Variants in ATP8A1 observed in about 807,000 individuals in gnomAD.
The protein encoded by ATP8A1 is ATPase phospholipid transporting 8A1.
Under a neutral mutation model 177.7 loss-of-function variants are expected in ATP8A1, and 90 were observed. The ratio of observed to expected loss-of-function variants is 0.51; its 90% CI spans 0.43 to 0.60. The LOEUF (loss-of-function observed/expected upper bound fraction) is 0.60. Ranked by LOEUF, ATP8A1 falls within the 20% of genes least tolerant of loss-of-function variation. The probability of loss-of-function intolerance (pLI) is 0.00; values close to 1 mark genes in which losing one functional copy is unlikely to be tolerated. For missense variants in ATP8A1, 1,072 were observed against 1,392.8 expected (o/e 0.77, Z 3.67); for synonymous variants, 493 against 485.9 (o/e 1.01, Z -0.19).
At chr4:42,592,790 G>A (rs897981795) in intron 6 of ATP8A1, among the ~76,000 whole-genome samples, 1 of 152,084 alleles carries the variant, frequency 6.6e-6, no homozygotes, top group African/African-American at 2.4e-5. Flanking sequence ...GTATGGAATA[G>A]TGTAAAGAAA....
chr4:42,555,291 A>G (rs900352423), intron 16 of ATP8A1, among the ~76,000 whole-genome samples: 2 of 150,670 alleles, frequency 1.3e-5, no homozygotes, highest in Non-Finnish European at 2.9e-5. Context: ...CAGAGTTTCT[A>G]TTGTATATTT....
At chr4:42,636,385 G>A (rs974472338) in intron 1 of ATP8A1, among the ~76,000 whole-genome samples, 4 of 144,688 alleles carry the variant, frequency 2.8e-5, no homozygotes, top group African/African-American at 7.5e-5. Flanking sequence ...CCTGACAGCA[G>A]CTGTTCAGAG....
At chr4:42,624,387 G>C (rs1333974349) in intron 4 of ATP8A1, 149 bp downstream of exon 4, 2 of 426,996 alleles carry the variant, frequency 4.7e-6, no homozygotes, top group African/African-American at 4.1e-5. Context: ...ATCAACTTCA[G>C]GGATAGGAAC....
chr4:42,446,858 AT>A (rs762351304), intron 30 of ATP8A1, among the ~76,000 whole-genome samples: 9 of 152,232 alleles, frequency 5.9e-5, no homozygotes, highest in Middle Eastern at 3.4e-3. Context: ...GAAGAAGGAA[AT>A]CCGACTTGTT....
chr4:42,565,626 T>C (rs1731267843), intron 15 of ATP8A1, among the ~76,000 whole-genome samples: 3 of 152,216 alleles, frequency 2.0e-5, no homozygotes, highest in African/African-American at 4.8e-5. Context: ...TGTGAAACTA[T>C]ATTAAACAGT....
chr4:42,422,720 T>C (rs910204792), intron 35 of ATP8A1, 87 bp downstream of exon 35: 4 of 1,043,244 alleles, frequency 3.8e-6, no homozygotes, highest in Admixed American at 2.0e-5. Flanking sequence ...TGCTGACAAA[T>C]ACAAGTCTTA....
At chr4:42,461,810 G>A (rs149335983) in intron 27 of ATP8A1, among the ~76,000 whole-genome samples, 1 of 152,210 alleles carries the variant, frequency 6.6e-6, no homozygotes, top group Non-Finnish European at 1.5e-5. Flanking sequence ...ACTCCCTAGA[G>A]ACTTGTTGAA....
At chr4:42,616,999 A>G (rs1242863886) in intron 4 of ATP8A1, among the ~76,000 whole-genome samples, 1 of 152,238 alleles carries the variant, frequency 6.6e-6, no homozygotes, top group Non-Finnish European at 1.5e-5. Flanking sequence ...CAAAGATTGT[A>G]TCATACAAAG....
At chr4:42,426,654 T>C (rs1714657364) in intron 33 of ATP8A1, among the ~76,000 whole-genome samples, 1 of 152,256 alleles carries the variant, frequency 6.6e-6, no homozygotes, top group African/African-American at 2.4e-5. Flanking sequence ...ATTGTCAAAT[T>C]TCTTTAAATG....
At chr4:42,533,281 G>C (rs773404620) in intron 20 of ATP8A1, among the ~76,000 whole-genome samples, 7 of 152,138 alleles carry the variant, frequency 4.6e-5, no homozygotes, top group Non-Finnish European at 8.8e-5. Flanking sequence ...CTGGCTGCTT[G>C]GGAACAAACT....
chr4:42,615,048 CTTTTACATGT>C (rs1340275128), intron 5 of ATP8A1, among the ~76,000 whole-genome samples: 3 of 152,154 alleles, frequency 2.0e-5, no homozygotes, highest in Admixed American at 1.3e-4. Flanking sequence ...TCTCTTTGTA[CTTTTACATGT>C]TTTTACATGT....
At chr4:42,555,213 C>G (rs1730071367) in intron 16 of ATP8A1, among the ~76,000 whole-genome samples, 1 of 123,732 alleles carries the variant, frequency 8.1e-6, no homozygotes, top group Non-Finnish European at 1.8e-5. Flanking sequence ...TAGTTCTGCC[C>G]CCCCCTAGAG....
intron 6 of ATP8A1, among the ~76,000 whole-genome samples, chr4:42,595,082 T>C (rs188579683): frequency 4.6e-5 from 7 of 152,164 alleles, no homozygotes; most frequent in Non-Finnish European, 7.4e-5. Context: ...AAGCAACAAC[T>C]TGGCTTAACT....
At chr4:42,429,267 G>T (rs1176022877) in intron 33 of ATP8A1, among the ~76,000 whole-genome samples, 1 of 152,118 alleles carries the variant, frequency 6.6e-6, no homozygotes, top group African/African-American at 2.4e-5. Flanking sequence ...TCTGTTGAAG[G>T]TTGACGAGTG....
At chr4:42,448,606 C>T (rs1421626907) in intron 30 of ATP8A1, among the ~76,000 whole-genome samples, 2 of 151,376 alleles carry the variant, frequency 1.3e-5, no homozygotes, top group Non-Finnish European at 2.9e-5. Flanking sequence ...CCAGGTTGGC[C>T]AGGCTGGTCT....
At chr4:42,448,555 G>A (rs1424423970) in intron 30 of ATP8A1, among the ~76,000 whole-genome samples, 1 of 151,156 alleles carries the variant, frequency 6.6e-6, no homozygotes, top group Non-Finnish European at 1.5e-5. Context: ...ACGTCACCAT[G>A]CCCAGCTAAT....
At chr4:42,439,864 G>A (rs1465313554) in intron 33 of ATP8A1, among the ~76,000 whole-genome samples, 2 of 152,220 alleles carry the variant, frequency 1.3e-5, no homozygotes, top group Non-Finnish European at 2.9e-5. Flanking sequence ...TATCAGAGAA[G>A]GAGCACAGGG....
At chr4:42,650,097 T>C (rs955446955) in intron 1 of ATP8A1, among the ~76,000 whole-genome samples, 4 of 152,232 alleles carry the variant, frequency 2.6e-5, no homozygotes, top group Non-Finnish European at 4.4e-5. Flanking sequence ...ACTTCAAAAG[T>C]GTCCTCTGAC....
At position 42,455,362 on chromosome 4, in the gene ATP8A1, C is replaced by G; in HGVS notation, c.2752G>C (p.Glu918Gln). Residue 918 changes from glutamate (E) to glutamine (Q), a missense_variant, in exon 29 of 37, where the codon GAG (glutamate) becomes CAG (glutamine). This residue lies in a region of ATP8A1 where 316 missense variants were observed against 459.1 expected (regional missense o/e 0.69). Transcript: ENST00000381668. ...AATTCAGGGTACTTCAACATGTTCT[C>G]TTTTCTGCATGATCTCTCAAATATT... ...LGIFERSCRK[E>Q]NMLKYPELYK... 6.2e-7 allele frequency: 1 copy of G among 1,613,936 alleles called. No homozygotes were observed. Among genetic ancestry groups the G allele is most frequent in the Non-Finnish European group, 8.5e-7 (1 of 1,179,834 alleles).
Sources: gnomAD v4.1 joint callset for allele counts (sites outside exome capture counted in the v4.1 genomes callset) on GRCh38, gnomAD v4.1.1 for gene constraint, gnomAD v4.1.1 regional missense constraint, MANE v1.5 for transcripts, NCBI Gene and HGNC (gene_info 2026-07-23, HGNC 2026-07-21) for gene names.